The following PDZD8 variants were observed in gnomAD, a reference collection of about 807,000 sequenced individuals.
PDZD8 encodes PDZ domain containing 8, also known as PDZ domain-containing protein 8.
In PDZD8, 14 loss-of-function variants were observed where a neutral mutation model predicts 85.8. The ratio of observed to expected loss-of-function variants is 0.16; its 90% confidence interval spans 0.11 to 0.26. The LOEUF (loss-of-function observed/expected upper bound fraction) is 0.26, where lower values mean the gene tolerates loss of function less well. Ranked by LOEUF, PDZD8 falls within the 10% of genes least tolerant of loss-of-function variation. The pLI is 1.00. For missense variants in PDZD8, 1,197 were observed against 1,424.3 expected, an observed-to-expected ratio of 0.84 and a Z score of 2.57; for synonymous variants, 592 against 568.6, an observed-to-expected ratio of 1.04 and a Z score of -0.59.
intron 3 of PDZD8, among the ~76,000 whole-genome samples, chr10:117,314,651 G>A (rs1844092210): frequency 6.6e-6 from 1 of 152,088 alleles, no homozygotes; most frequent in Non-Finnish European, 1.5e-5. Context: ...GCTACAAAAG[G>A]TATGAAGTAC....
chr10:117,302,432 T>C (rs1244136923), intron 3 of PDZD8, among the ~76,000 whole-genome samples: 7 of 152,244 alleles, frequency 4.6e-5, no homozygotes, highest in African/African-American at 1.7e-4. Flanking sequence ...GTCTTGTTTT[T>C]ATCACTTGGC....
chr10:117,332,106 T>A (rs1378871509), intron 2 of PDZD8, among the ~76,000 whole-genome samples: 1 of 152,216 alleles, frequency 6.6e-6, no homozygotes, highest in Non-Finnish European at 1.5e-5. Context: ...GTTCATCTGG[T>A]AGAGTTATGC....
intron 3 of PDZD8, among the ~76,000 whole-genome samples, chr10:117,305,146 C>T (rs1378901036): frequency 1.3e-5 from 2 of 152,160 alleles, no homozygotes; most frequent in Non-Finnish European, 2.9e-5. Context: ...GGCATGGTGG[C>T]TGATGCCTAT....
chr10:117,345,651 A>T lies in PDZD8; in HGVS notation c.873-4549T>A, dbSNP rs561936576. The stretch of plus-strand genomic sequence containing the variant: ...AGAAAAAGTTATGAGACATAAAAAG[A>T]AACAGAAAAGTATGACCCATACAGC... On this transcript the variant is annotated intron_variant, in intron 1 of 4. Transcript: ENST00000334464. Among the ~76,000 whole-genome samples, 5 of 137,416 alleles carry T rather than the reference A, an allele frequency of 3.6e-5. No homozygotes were observed. In the East Asian group the frequency reaches 1.0e-3, roughly 28 times the overall value. The allele number at this position is 137,416 out of a possible 152,430, so 90.2% of individuals were successfully genotyped here.
chr10:117,277,296 T>A lies in PDZD8; in HGVS notation c.*5972A>T. 1 of 1,376,498 alleles carries A rather than the reference T, an allele frequency of 7.3e-7. No homozygotes were observed. Among genetic ancestry groups the A allele is most frequent in the Non-Finnish European group, 1.0e-6 (1 of 969,190 alleles). The allele number at this position is 1,376,498 out of a possible 1,614,324, so 85.3% of individuals were successfully genotyped here. On this transcript the variant is annotated 3_prime_UTR_variant, in exon 5 of 5. Coordinates refer to ENST00000334464, the MANE Select transcript of PDZD8 (RefSeq NM_173791.5). The stretch of plus-strand genomic sequence containing the variant: ...AGATCCTCAAAAATCATCAAAGTGT[T>A]TAATTGTATAAAACAGTGTTTCCAG...
At chr10:117,337,892 T>A (rs1365856217) in intron 2 of PDZD8, among the ~76,000 whole-genome samples, 1 of 152,222 alleles carries the variant, frequency 6.6e-6, no homozygotes, top group African/African-American at 2.4e-5. Flanking sequence ...TTCCACTATA[T>A]ATGAAGTAAT....
chr10:117,371,254 G>A (rs952763603), intron 1 of PDZD8, among the ~76,000 whole-genome samples: 8 of 152,144 alleles, frequency 5.3e-5, no homozygotes, highest in African/African-American at 1.7e-4. Context: ...GTGCGATATC[G>A]GCTGGCTGCA....
chr10:117,374,373 T>A lies in PDZD8; in HGVS notation c.855A>T (p.Leu285=). ...CAGCTCACCTGATCTTGTAATTCGG[T>A]AGGGTGTGCTTGCGCTTGATGATCT... The part of the protein sequence containing the change: ...LKKIIKRKHT[L]PNYKIRFKPF... The change falls in exon 1 of 5, where the codon CTA becomes CTT. Residue 285 remains leucine (L), a synonymous_variant. Coordinates refer to ENST00000334464, the MANE Select transcript of PDZD8 (RefSeq NM_173791.5). The surrounding 1 kb of genome is among the most constrained non-coding windows in gnomAD (Gnocchi z 7.8). 1 of 1,613,738 alleles carries A rather than the reference T, an allele frequency of 6.2e-7. No homozygotes were observed. The highest frequency in any genetic ancestry group is 8.5e-7 in the Non-Finnish European group (1 of 1,179,780).
chr10:117,341,947 C>T (rs1339356172), intron 1 of PDZD8, among the ~76,000 whole-genome samples: 1 of 152,134 alleles, frequency 6.6e-6, no homozygotes, highest in Non-Finnish European at 1.5e-5. Flanking sequence ...TTTTTACATG[C>T]ATTATCTTAT....
chr10:117,337,483 T>C (rs1206808749), intron 2 of PDZD8, among the ~76,000 whole-genome samples: 1 of 152,206 alleles, frequency 6.6e-6, no homozygotes, highest in Admixed American at 6.5e-5. Context: ...AAACCAATTT[T>C]TACACATAAT....
Position 117,330,029 on chromosome 10 carries a change from G to GGAGA in PDZD8, c.995+10950_995+10951insTCTC, listed in dbSNP as rs1844393561. On this transcript the variant is annotated intron_variant, in intron 2 of 4. Transcript: ENST00000334464. ...GGGAGGGAGGGAGGGAGGGAGGGAAGGAGGGAGGGAGGGAGGGAGGGAAAA... is the reference window on the plus strand; with the variant it reads ...GGGAGGGAGGGAGGGAGGGAGGGAAGGAGAGAGGGAGGGAGGGAGGGAGGGAAAA... Among the ~76,000 whole-genome samples the GGAGA allele has an allele frequency of 7.0e-5, 6 of 85,398 alleles. 1 individual carries two copies. The highest frequency in any genetic ancestry group is 1.4e-4 in the Non-Finnish European group (6 of 44,204). 56.0% of individuals were successfully genotyped at this position (85,398 alleles called of 152,430 possible).
intron 3 of PDZD8, among the ~76,000 whole-genome samples, chr10:117,304,291 G>A (rs1843895111): frequency 1.3e-5 from 2 of 152,154 alleles, no homozygotes; most frequent in African/African-American, 4.8e-5. Context: ...TATGGGCCCT[G>A]TAACCCTTTG....
At chr10:117,345,711 A>G (rs1486574183) in intron 1 of PDZD8, among the ~76,000 whole-genome samples, 2 of 152,152 alleles carry the variant, frequency 1.3e-5, no homozygotes, top group African/African-American at 4.8e-5. Context: ...AAACAAACAA[A>G]CAAAAAAACA....
Position 117,305,721 on chromosome 10 carries a change from C to T in PDZD8, c.1098+13151G>A, listed in dbSNP as rs548514755. Among the ~76,000 whole-genome samples, 10 of 152,240 alleles carry T rather than the reference C, an allele frequency of 6.6e-5. No homozygotes were observed. The South Asian group carries it at 2.1e-3, about 32-fold the overall frequency. On this transcript the variant is annotated intron_variant, in intron 3 of 4. Transcript: ENST00000334464. ...TTCAGATTTTTGGATTTGGAATGCT[C>T]AACTTGTATAACGCCTAAATTTTCA...
chr10:117,314,672 T>C (rs1464504066), intron 3 of PDZD8, among the ~76,000 whole-genome samples: 1 of 151,998 alleles, frequency 6.6e-6, no homozygotes, highest in Non-Finnish European at 1.5e-5. Context: ...TTCTACTCTT[T>C]TACTTATACT....
chr10:117,368,382 C>A (rs1564715460), intron 1 of PDZD8, among the ~76,000 whole-genome samples: 1 of 152,108 alleles, frequency 6.6e-6, no homozygotes, highest in East Asian at 1.9e-4. Flanking sequence ...TGTCTATTCT[C>A]CCCAAATATT....
In PDZD8 at chr10:117,303,363, G is replaced by C. The variant is rs867596338; in HGVS notation, c.1099-13015C>G. On this transcript the variant is annotated intron_variant, in intron 3 of 4. Transcript: ENST00000334464. ...GAAAGATGATTTAGGGTATCTGGCA[G>C]AAGAAATTTCTAAGAAGAAAAGCAT... is the stretch of plus-strand genomic sequence containing the variant. 2.0e-5 allele frequency among the ~76,000 whole-genome samples: 3 copies of C among 152,202 alleles called. No homozygotes were observed. In the South Asian group the frequency reaches 6.2e-4, roughly 31 times the overall value.
intron 3 of PDZD8, among the ~76,000 whole-genome samples, chr10:117,300,354 T>C (rs1208930772): frequency 6.6e-6 from 1 of 152,212 alleles, no homozygotes; most frequent in African/African-American, 2.4e-5. Flanking sequence ...AATTTGCTTA[T>C]ATAAATGGAA....
rs762062879 is a variant in PDZD8, at chr10:117,336,541, G to C, written c.995+4439C>G. Among the ~76,000 whole-genome samples, 5 of 151,874 alleles carry C rather than the reference G, an allele frequency of 3.3e-5. No homozygotes were observed. The South Asian group carries it at 1.0e-3, about 32-fold the overall frequency. On this transcript the variant is annotated intron_variant, in intron 2 of 4. Transcript: ENST00000334464. ...TCTCAGCTAAAAATAAAAAGAATTG[G>C]GGCTCTTTGGAAAAATAGTTGTTCT...
Sources: gnomAD v4.1 joint callset for allele counts (sites outside exome capture counted in the v4.1 genomes callset) on GRCh38, gnomAD v4.1.1 for gene constraint, Gnocchi (gnomAD v3.1) non-coding constraint, MANE v1.5 for transcripts, NCBI Gene and HGNC (gene_info 2026-07-23, HGNC 2026-07-21) for gene names.